Variants in PLA2G4C observed in about 807,000 individuals in gnomAD.
The protein encoded by PLA2G4C is phospholipase A2 group IVC, also known as cytosolic phospholipase A2 gamma.
In PLA2G4C, 64 loss-of-function variants were observed where a neutral mutation model predicts 73.8. The ratio of observed to expected loss-of-function variants is 0.87; its 90% CI spans 0.71 to 1.07. The LOEUF (loss-of-function observed/expected upper bound fraction) is 1.07. Ranked by LOEUF, PLA2G4C falls within the 50% of genes least tolerant of loss-of-function variation. The pLI is 0.00. For missense variants in PLA2G4C, 622 were observed against 665.4 expected, an observed-to-expected ratio of 0.93 and a Z score of 0.72; for synonymous variants, 254 against 252.1, an observed-to-expected ratio of 1.01 and a Z score of -0.07.
chr19:48,104,483 C>T, intron 4 of PLA2G4C, 105 bp downstream of exon 4: 2 of 1,103,502 alleles, frequency 1.8e-6, no homozygotes, highest in South Asian at 1.4e-5. Flanking sequence ...TACCAGAGAG[C>T]TCGAGAAGCA....
chr19:48,073,632 T>C (rs2029937037), intron 12 of PLA2G4C, among the ~76,000 whole-genome samples: 1 of 152,004 alleles, frequency 6.6e-6, no homozygotes, highest in African/African-American at 2.4e-5. Flanking sequence ...TTGGATAATT[T>C]ATAAAGAAAA....
At chr19:48,058,358 A>C (rs1172973920) in intron 14 of PLA2G4C, among the ~76,000 whole-genome samples, 1 of 151,856 alleles carries the variant, frequency 6.6e-6, no homozygotes, top group African/African-American at 2.4e-5. Context: ...GGCTGGTCTC[A>C]AATTGCTGAT....
chr19:48,073,809 C>T (rs531229848), intron 12 of PLA2G4C, among the ~76,000 whole-genome samples: 144 of 151,872 alleles, frequency 9.5e-4, no homozygotes, highest in Non-Finnish European at 1.7e-3. Context: ...AGGTGCCACA[C>T]ACTTCTAAAC....
chr19:48,063,951 AG>A (rs1968304471), intron 13 of PLA2G4C: 1 of 152,026 alleles, frequency 6.6e-6, no homozygotes, highest in Non-Finnish European at 1.5e-5. Context: ...AGCGAAAGCA[AG>A]TCTGTTAAGA....
intron 3 of PLA2G4C, 94 bp from the exon 4 acceptor site, chr19:48,104,818 C>T: frequency 7.8e-7 from 1 of 1,283,058 alleles, no homozygotes; most frequent in Non-Finnish European, 1.1e-6. Flanking sequence ...CACCGTGGCT[C>T]ACGCCTGTAA....
chr19:48,055,100 TCC>T (rs749817750), intron 14 of PLA2G4C, 51 bp from the exon 15 acceptor site: 2 of 1,508,938 alleles, frequency 1.3e-6, no homozygotes, highest in Admixed American at 2.0e-5. Context: ...AGAAGACCCC[TCC>T]AGAAGACCCC....
At chr19:48,077,696 A>T in intron 11 of PLA2G4C, 75 bp downstream of exon 11, 1 of 1,109,444 alleles carries the variant, frequency 9.0e-7, no homozygotes, top group Non-Finnish European at 1.3e-6. Flanking sequence ...TAAAGTTTTT[A>T]GGACAATGGC....
At chr19:48,108,234 A>G (rs964418604) in intron 1 of PLA2G4C, among the ~76,000 whole-genome samples, 6 of 152,172 alleles carry the variant, frequency 3.9e-5, no homozygotes, top group Non-Finnish European at 1.5e-5. Context: ...TCTTGGGCTC[A>G]AGCAATCCTC....
chr19:48,109,008 C>T (rs552235566), intron 1 of PLA2G4C: 46 of 152,250 alleles, frequency 3.0e-4, no homozygotes, highest in African/African-American at 1.1e-3. Flanking sequence ...TTTTCTTTGT[C>T]TCAAAGTTTA....
intron 4 of PLA2G4C, among the ~76,000 whole-genome samples, chr19:48,101,665 C>T (rs1465034852): frequency 7.0e-6 from 1 of 143,228 alleles, no homozygotes; most frequent in African/African-American, 2.6e-5. Context: ...AAGTTCTTTC[C>T]TTTAATATCT....
rs143994362 is a variant in PLA2G4C, at chr19:48,099,787, G to A, written c.331C>T (p.Arg111Ter). Residue 111 changes from arginine to a stop codon, truncating the protein, a stop_gained, in exon 5 of 17, where the codon CGA becomes TGA. Coordinates refer to ENST00000599921, the MANE Select transcript of PLA2G4C (RefSeq NM_003706.3). LOFTEE classifies it high-confidence loss of function. ...LEADLKHRFT[R>*]QEWDLAKSLQ... is the part of the protein sequence containing the mutation. ...CTCTTAGCCAAGTCCCACTCCTGTCGGGTAAATCGATGTTTCAGGTCAGCC... is the reference window on the plus strand; with the variant it reads ...CTCTTAGCCAAGTCCCACTCCTGTCAGGTAAATCGATGTTTCAGGTCAGCC... 1.8e-4 allele frequency: 284 copies of A among 1,613,698 alleles called. No individual in the cohort carries two copies. The African/African-American group carries it at 2.7e-3, about 15-fold the overall frequency.
chr19:48,048,528 G>A, intron 16 of PLA2G4C, 140 bp from the exon 17 acceptor site: 1 of 549,948 alleles, frequency 1.8e-6, no homozygotes. Flanking sequence ...TTCATTCATT[G>A]AGAAGACCTG....
chr19:48,101,259 G>C (rs952187086), intron 4 of PLA2G4C, among the ~76,000 whole-genome samples: 13 of 151,086 alleles, frequency 8.6e-5, no homozygotes, highest in African/African-American at 3.2e-4. Context: ...CAAGTAGCTG[G>C]GACCACTACC....
chr19:48,063,170 A>G (rs1469662886), intron 13 of PLA2G4C, among the ~76,000 whole-genome samples: 3 of 152,178 alleles, frequency 2.0e-5, no homozygotes, highest in South Asian at 2.1e-4. Context: ...CAGCCTCCCA[A>G]GTAGCTGGGA....
intron 15 of PLA2G4C, among the ~76,000 whole-genome samples, chr19:48,053,364 C>CTTTTTT (rs1174332835): frequency 4.0e-4 from 40 of 100,592 alleles, no homozygotes; most frequent in African/African-American, 6.3e-4. Flanking sequence ...GTCCTTTTTT[C>CTTTTTT]TTTTTTTTTT....
chr19:48,108,129 C>T (rs183935363), intron 1 of PLA2G4C, among the ~76,000 whole-genome samples: 7 of 152,244 alleles, frequency 4.6e-5, no homozygotes, highest in Non-Finnish European at 1.0e-4. Context: ...TTTATTTCTA[C>T]GATCTCTCGT....
In PLA2G4C at chr19:48,055,389, G is replaced by GTATATATATATATATATATATA. The variant is rs4002927; in HGVS notation, c.1258-341_1258-340insTATATATATATATATATATATA. ...AGATGTTGGAGACCTCATCTCTACAGTATATATATATATATATATATTTCA... is the reference window on the plus strand; with the variant it reads ...AGATGTTGGAGACCTCATCTCTACAGTATATATATATATATATATATATATATATATATATATATATATTTCA... On this transcript the variant is annotated intron_variant, in intron 14 of 16. Coordinates refer to ENST00000599921, the MANE Select transcript of PLA2G4C (RefSeq NM_003706.3). Among the ~76,000 whole-genome samples the GTATATATATATATATATATATA allele has an allele frequency of 3.3e-3, 432 of 132,510 alleles. 16 individuals are homozygous for GTATATATATATATATATATATA. The highest frequency in any genetic ancestry group is 0.01 in the African/African-American group (312 of 31,036). 86.9% of individuals were successfully genotyped at this position (132,510 alleles called of 152,430 possible).
rs1189582834 is a variant in PLA2G4C at position 48,072,239 on chromosome 19, T to C, written c.1006+2528A>G. On this transcript the variant is annotated intron_variant, in intron 12 of 16. Transcript: ENST00000599921. The surrounding 1 kb of genome is among the most constrained non-coding windows in gnomAD (Gnocchi z 4.4). Reference sequence around the variant, plus strand: ...GATGGGGGTCTCACTCTGAGTGCAGTGGTGCATTCATAGCTCACTGCAGCC... The same window carrying C: ...GATGGGGGTCTCACTCTGAGTGCAGCGGTGCATTCATAGCTCACTGCAGCC... The C allele has an allele frequency of 6.6e-6, 1 of 152,154 alleles. No individual in the cohort carries two copies. The highest frequency in any genetic ancestry group is 1.5e-5 in the Non-Finnish European group (1 of 68,064). The allele number at this position is 152,154 out of a possible 1,614,324, so 9.4% of individuals were successfully genotyped here. A position where few individuals can be genotyped will look rare whatever the true frequency, so the allele number is the denominator to read the frequency against.
chr19:48,074,934 C>T, intron 11 of PLA2G4C, 60 bp from the exon 12 acceptor site: 1 of 1,095,590 alleles, frequency 9.1e-7, no homozygotes, highest in Non-Finnish European at 1.3e-6. Flanking sequence ...AAGAACATCA[C>T]AGACCCTGCT....
Sources: gnomAD v4.1 joint callset for allele counts (sites outside exome capture counted in the v4.1 genomes callset) on GRCh38, gnomAD v4.1.1 for gene constraint, Gnocchi (gnomAD v3.1) non-coding constraint, MANE v1.5 for transcripts, NCBI Gene and HGNC (gene_info 2026-07-23, HGNC 2026-07-21) for gene names.